Variants in CTNNA3 observed in about 807,000 individuals in gnomAD.
CTNNA3 encodes the protein catenin alpha 3.
Under a neutral mutation model 95.7 loss-of-function variants are expected in CTNNA3, and 76 were observed. The observed-to-expected ratio is 0.79, with a 90% confidence interval of 0.66 to 0.96. The LOEUF (loss-of-function observed/expected upper bound fraction) is 0.96, where lower values mean the gene tolerates loss of function less well. Ranked by LOEUF, CTNNA3 falls within the 40% of genes least tolerant of loss-of-function variation. CTNNA3 has a pLI of 0.00. For missense variants in CTNNA3, 1,191 were observed against 1,089.8 expected, an observed-to-expected ratio of 1.09 and a Z score of -1.31; for synonymous variants, 431 against 374.4, an observed-to-expected ratio of 1.15 and a Z score of -1.74.
At chr10:66,291,389 A>C (rs2091678354) in intron 12 of CTNNA3, among the ~76,000 whole-genome samples, 1 of 152,164 alleles carries the variant, frequency 6.6e-6, no homozygotes, top group Non-Finnish European at 1.5e-5. Context: ...AAAGTGCTGC[A>C]GAAGAATCTA....
At chr10:66,919,607 G>A (rs927839758) in intron 7 of CTNNA3, among the ~76,000 whole-genome samples, 2 of 152,108 alleles carry the variant, frequency 1.3e-5, no homozygotes, top group African/African-American at 2.4e-5. Context: ...AAGACACTGA[G>A]AGACCATTTT....
At chr10:67,053,477 T>C (rs1418321020) in intron 7 of CTNNA3, among the ~76,000 whole-genome samples, 1 of 152,214 alleles carries the variant, frequency 6.6e-6, no homozygotes, top group African/African-American at 2.4e-5. Context: ...TTTGCCAGGC[T>C]GCCCATCAGT....
chr10:66,162,928 G>A (rs1343062273), intron 13 of CTNNA3, among the ~76,000 whole-genome samples: 1 of 152,024 alleles, frequency 6.6e-6, no homozygotes, highest in African/African-American at 2.4e-5. Context: ...GGTCACTGGA[G>A]TTGTGTACCT....
At chr10:65,996,020 A>G (rs1214698667) in intron 15 of CTNNA3, among the ~76,000 whole-genome samples, 1 of 152,204 alleles carries the variant, frequency 6.6e-6, no homozygotes, top group African/African-American at 2.4e-5. Flanking sequence ...CAGCAATGAC[A>G]GCAATGAGCA....
chr10:65,997,619 G>A (rs767355004), intron 15 of CTNNA3, among the ~76,000 whole-genome samples: 3 of 152,136 alleles, frequency 2.0e-5, no homozygotes, highest in African/African-American at 2.4e-5. Flanking sequence ...AGAGAGTACC[G>A]GAAAGTCAAT....
chr10:66,301,803 A>G (rs1331443826), intron 12 of CTNNA3, among the ~76,000 whole-genome samples: 4 of 152,058 alleles, frequency 2.6e-5, no homozygotes, highest in African/African-American at 9.6e-5. Flanking sequence ...CACTAAGATC[A>G]GGAAGAAGGC....
intron 5 of CTNNA3, among the ~76,000 whole-genome samples, chr10:67,391,217 C>CA (rs1267690960): frequency 2.0e-5 from 3 of 152,004 alleles, no homozygotes; most frequent in Admixed American, 6.6e-5. Flanking sequence ...TCTCAGGATA[C>CA]AAAATCAATG....
intron 11 of CTNNA3, among the ~76,000 whole-genome samples, chr10:66,451,239 A>G (rs1239792819): frequency 6.6e-6 from 1 of 152,208 alleles, no homozygotes; most frequent in Non-Finnish European, 1.5e-5. Context: ...GTAAGTAGCT[A>G]TAACAAATAT....
intron 5 of CTNNA3, among the ~76,000 whole-genome samples, chr10:67,485,675 T>C (rs185520298): frequency 3.0e-4 from 45 of 152,296 alleles, no homozygotes; most frequent in African/African-American, 1.0e-3. Flanking sequence ...CTTTTTGTTT[T>C]CTACTAGTAA....
chr10:67,377,340 G>A (rs1409993980), intron 5 of CTNNA3, among the ~76,000 whole-genome samples: 1 of 152,174 alleles, frequency 6.6e-6, no homozygotes, highest in African/African-American at 2.4e-5. Flanking sequence ...TCACCAATAG[G>A]AAAATTTGTC....
chr10:66,722,919 C>T (rs979281586), intron 9 of CTNNA3, among the ~76,000 whole-genome samples: 3 of 152,216 alleles, frequency 2.0e-5, no homozygotes, highest in Middle Eastern at 3.4e-3. Context: ...CCAGGAAAGT[C>T]AGTGTCCCTT....
At chr10:67,470,713 A>G (rs933791978) in intron 5 of CTNNA3, among the ~76,000 whole-genome samples, 1 of 152,162 alleles carries the variant, frequency 6.6e-6, no homozygotes, top group Non-Finnish European at 1.5e-5. Context: ...TTACTTTAAC[A>G]CAGAATTCCT....
chr10:66,763,333 C>CAGAGAG (rs746523452), intron 9 of CTNNA3, among the ~76,000 whole-genome samples: 31,049 of 103,136 alleles, frequency 0.3, 3,333 homozygotes, highest in Non-Finnish European at 0.38. Context: ...CACACACACA[C>CAGAGAG]ACACACACAG....
At chr10:66,010,082 G>T (rs924339352) in intron 15 of CTNNA3, among the ~76,000 whole-genome samples, 1 of 152,206 alleles carries the variant, frequency 6.6e-6, no homozygotes, top group Non-Finnish European at 1.5e-5. Context: ...AAATAAAGGT[G>T]ACATTCATAA....
chr10:66,657,637 A>G (rs1846114002), intron 9 of CTNNA3, among the ~76,000 whole-genome samples: 1 of 152,192 alleles, frequency 6.6e-6, no homozygotes, highest in Admixed American at 6.5e-5. Flanking sequence ...GTACTTGCAC[A>G]CTTTCATCTT....
chr10:67,332,156 T>C lies in CTNNA3; in HGVS notation c.580-112286A>G, dbSNP rs867699978. Among the ~76,000 whole-genome samples, 7 of 152,224 alleles carry C rather than the reference T, an allele frequency of 4.6e-5. No individual in the cohort carries two copies. In the South Asian group the frequency reaches 6.2e-4, roughly 13 times the overall value. On this transcript the variant is annotated intron_variant, in intron 5 of 17. Coordinates refer to ENST00000433211, the MANE Select transcript of CTNNA3 (RefSeq NM_013266.4). Reference sequence around the variant, plus strand: ...TGTAGACAAAATATTTAAAATTGGCTCAAAGTGTTTGGTTGAATTATCTTG... The same window carrying C: ...TGTAGACAAAATATTTAAAATTGGCCCAAAGTGTTTGGTTGAATTATCTTG...
chr10:66,106,264 A>G (rs1384783593), intron 13 of CTNNA3, among the ~76,000 whole-genome samples: 3 of 151,614 alleles, frequency 2.0e-5, no homozygotes, highest in Non-Finnish European at 4.4e-5. Context: ...AGAGTACCCT[A>G]GATCATGCCT....
chr10:67,297,871 T>G (rs1025678369), intron 5 of CTNNA3, among the ~76,000 whole-genome samples: 2 of 152,236 alleles, frequency 1.3e-5, no homozygotes, highest in African/African-American at 4.8e-5. Flanking sequence ...AAACTGCTTT[T>G]TAAATGGAAA....
chr10:67,316,814 T>C (rs1456315850), intron 5 of CTNNA3, among the ~76,000 whole-genome samples: 3 of 152,206 alleles, frequency 2.0e-5, no homozygotes, highest in African/African-American at 7.2e-5. Context: ...CTTGAAAATA[T>C]AAAGTATTTT....
Sources: allele counts gnomAD v4.1 joint callset (sites outside exome capture counted in the v4.1 genomes callset), GRCh38; gene constraint gnomAD v4.1.1; transcripts MANE v1.5; gene names NCBI Gene and HGNC (gene_info 2026-07-23, HGNC 2026-07-21).